Variants in TBC1D9 observed in about 807,000 individuals in gnomAD.
TBC1D9 encodes TBC1 domain family member 9A.
A neutral mutation model predicts 132.0 loss-of-function variants in TBC1D9; 63 were observed. The ratio of observed to expected loss-of-function variants is 0.48; its 90% CI spans 0.39 to 0.59. The LOEUF is 0.59. Among genes scored for constraint, TBC1D9 ranks in the 20% least tolerant of loss-of-function variants. The pLI is 0.00. For missense variants in TBC1D9, 1,261 were observed against 1,592.7 expected (o/e 0.79, Z 3.54); for synonymous variants, 610 against 609.9 (o/e 1.00, Z 0.00).
In TBC1D9 at chr4:140,627,541, G is replaced by A; in HGVS notation, c.2813-14C>T. 1 of 1,539,716 alleles carries A rather than the reference G, an allele frequency of 6.5e-7. No homozygotes were observed. Among genetic ancestry groups the A allele is most frequent in the Non-Finnish European group, 9.0e-7 (1 of 1,116,214 alleles). On this transcript the variant is annotated splice_polypyrimidine_tract_variant and intron_variant, in intron 17 of 20. Coordinates refer to ENST00000442267, the MANE Select transcript of TBC1D9 (RefSeq NM_015130.3). ...CAGAGGATGGCTCTAGGGAGGGGAGGAAACATAGTTCTCATATTGGTAGGG... is the reference window on the plus strand; with the variant it reads ...CAGAGGATGGCTCTAGGGAGGGGAGAAAACATAGTTCTCATATTGGTAGGG...
At chr4:140,726,506 A>AC (rs1738503418) in intron 1 of TBC1D9, among the ~76,000 whole-genome samples, 1 of 151,990 alleles carries the variant, frequency 6.6e-6, no homozygotes, top group Non-Finnish European at 1.5e-5. Flanking sequence ...CAACACCCCT[A>AC]CCCCCAATAC....
intron 15 of TBC1D9, 54 bp from the exon 16 acceptor site, chr4:140,634,242 A>C: frequency 1.3e-6 from 2 of 1,584,280 alleles, no homozygotes; most frequent in South Asian, 2.3e-5. Context: ...AATACCAGAA[A>C]GAAAACGCCC....
intron 1 of TBC1D9, among the ~76,000 whole-genome samples, chr4:140,747,045 T>C (rs964855644): frequency 6.6e-6 from 1 of 151,772 alleles, no homozygotes; most frequent in Non-Finnish European, 1.5e-5. Flanking sequence ...AATAAATGCA[T>C]ATAAAGAAGA....
chr4:140,672,897 C>G (rs1457925148), intron 6 of TBC1D9, among the ~76,000 whole-genome samples: 1 of 152,174 alleles, frequency 6.6e-6, no homozygotes, highest in African/African-American at 2.4e-5. Context: ...ACGTGGCTCA[C>G]GCCTGTAATC....
intron 16 of TBC1D9, among the ~76,000 whole-genome samples, chr4:140,630,184 A>G (rs1208811285): frequency 6.6e-6 from 1 of 152,156 alleles, no homozygotes; most frequent in Admixed American, 6.5e-5. Context: ...TTCACCAATC[A>G]TTTTGTAACA....
At chr4:140,693,031 A>C (rs1207959088) in intron 2 of TBC1D9, among the ~76,000 whole-genome samples, 1 of 151,824 alleles carries the variant, frequency 6.6e-6, no homozygotes, top group Non-Finnish European at 1.5e-5. Flanking sequence ...CTGTTTCAAA[A>C]AAAAAACAAC....
chr4:140,686,676 T>C (rs546528437), intron 2 of TBC1D9, among the ~76,000 whole-genome samples: 4 of 152,210 alleles, frequency 2.6e-5, no homozygotes, highest in Non-Finnish European at 4.4e-5. Context: ...AGTTGTGTTA[T>C]AATCAAGTTT....
intron 6 of TBC1D9, among the ~76,000 whole-genome samples, chr4:140,675,303 T>TA (rs576374940): frequency 1.1e-4 from 17 of 150,534 alleles, no homozygotes; most frequent in South Asian, 2.1e-4. Flanking sequence ...TATGCCTAAT[T>TA]AAAAAAAAAG....
At chr4:140,743,026 A>T (rs1308342262) in intron 1 of TBC1D9, among the ~76,000 whole-genome samples, 1 of 151,808 alleles carries the variant, frequency 6.6e-6, no homozygotes, top group Non-Finnish European at 1.5e-5. Context: ...GGATGGAGGG[A>T]GGGAGGAAGG....
intron 13 of TBC1D9, among the ~76,000 whole-genome samples, chr4:140,656,646 C>T (rs927407130): frequency 5.3e-5 from 8 of 152,232 alleles, no homozygotes; most frequent in Non-Finnish European, 1.2e-4. Flanking sequence ...CCATTGCATC[C>T]TTGCAATGTA....
intron 1 of TBC1D9, among the ~76,000 whole-genome samples, chr4:140,727,252 C>T (rs1458554011): frequency 6.6e-6 from 1 of 152,142 alleles, no homozygotes; most frequent in Non-Finnish European, 1.5e-5. Flanking sequence ...TATTCACTGC[C>T]CCAGTGGAAG....
chr4:140,694,124 A>T (rs1427853007), intron 2 of TBC1D9, among the ~76,000 whole-genome samples: 1 of 152,168 alleles, frequency 6.6e-6, no homozygotes, highest in Admixed American at 6.6e-5. Flanking sequence ...AATTTATCCT[A>T]AGGTGATAAT....
chr4:140,630,310 T>C (rs1413047639), intron 16 of TBC1D9, among the ~76,000 whole-genome samples: 2 of 152,216 alleles, frequency 1.3e-5, no homozygotes, highest in South Asian at 2.1e-4. Flanking sequence ...ACAGCAATCA[T>C]GTAGTTTTAA....
intron 1 of TBC1D9, among the ~76,000 whole-genome samples, chr4:140,747,266 C>T (rs970794743): frequency 3.3e-5 from 5 of 151,670 alleles, no homozygotes; most frequent in African/African-American, 4.8e-5. Context: ...GTAGGAGAAT[C>T]GCTTGAACTC....
intron 1 of TBC1D9, among the ~76,000 whole-genome samples, chr4:140,721,399 T>C (rs1738421612): frequency 6.6e-6 from 1 of 152,172 alleles, no homozygotes; most frequent in Non-Finnish European, 1.5e-5. Flanking sequence ...ATTATCCCTA[T>C]TTGATGAATG....
chr4:140,732,693 T>C (rs1408317741), intron 1 of TBC1D9, among the ~76,000 whole-genome samples: 2 of 152,158 alleles, frequency 1.3e-5, no homozygotes, highest in Admixed American at 6.6e-5. Flanking sequence ...CAGCTGTCTG[T>C]ACCAAGGAAC....
intron 1 of TBC1D9, chr4:140,712,163 T>TCCCAGCACTTTGG (rs1553972263): frequency 2.0e-5 from 3 of 151,896 alleles, no homozygotes; most frequent in South Asian, 2.1e-4. Context: ...CATATCTAAA[T>TCCCAGCACTTTGG]GAGAGGCTCC....
At chr4:140,656,514 T>C (rs1434492639) in intron 13 of TBC1D9, among the ~76,000 whole-genome samples, 1 of 152,140 alleles carries the variant, frequency 6.6e-6, no homozygotes. Flanking sequence ...GTTAGCTCAC[T>C]ACAACCTCAG....
chr4:140,720,031 T>C (rs1329045342), intron 1 of TBC1D9, among the ~76,000 whole-genome samples: 5 of 152,094 alleles, frequency 3.3e-5, no homozygotes, highest in Admixed American at 2.0e-4. Context: ...TCCTGAGAGG[T>C]TGTAATGAGG....
Sources: gnomAD v4.1 joint callset for allele counts (sites outside exome capture counted in the v4.1 genomes callset) on GRCh38, gnomAD v4.1.1 for gene constraint, MANE v1.5 for transcripts, NCBI Gene and HGNC (gene_info 2026-07-23, HGNC 2026-07-21) for gene names.